Variants in CTBP2 observed in about 807,000 individuals in gnomAD.
The protein encoded by CTBP2 is C-terminal binding protein 2.
CTBP2 carries 30 observed loss-of-function variants against 80.3 expected under a neutral mutation model. The ratio of observed to expected loss-of-function variants is 0.37; its 90% CI spans 0.28 to 0.51. The LOEUF is 0.51. Among genes scored for constraint, CTBP2 ranks in the 20% least tolerant of loss-of-function variants. CTBP2 has a pLI of 0.93. For synonymous variants in CTBP2, 594 were observed against 587.4 expected (o/e 1.01, Z -0.16); for missense variants, 1,212 against 1,375.3 (o/e 0.88, Z 1.88).
chr10:125,101,474 G>A (rs967214862), intron 2 of CTBP2, among the ~76,000 whole-genome samples: 2 of 152,210 alleles, frequency 1.3e-5, no homozygotes, highest in Non-Finnish European at 2.9e-5. Flanking sequence ...GCTGCGGCTG[G>A]GATCAGCACA....
chr10:124,984,368 T>C lies in CTBP2; in HGVS notation c.*5150A>G, dbSNP rs1951980238. 6.1e-6 allele frequency: 1 copy of C among 163,698 alleles called. No homozygotes were observed. The allele number at this position is 163,698 out of a possible 1,614,324, so 10.1% of individuals were successfully genotyped here. On this transcript the variant is annotated 3_prime_UTR_variant, in exon 9 of 9. Coordinates refer to ENST00000309035, the MANE Select transcript of CTBP2 (RefSeq NM_022802.3). ...TTAATATACTAGTAATTATAAAACG[T>C]TTATAATCACAACATGAAGAAAAAA...
chr10:125,061,761 G>A (rs890379633), intron 2 of CTBP2, among the ~76,000 whole-genome samples: 2 of 152,130 alleles, frequency 1.3e-5, no homozygotes, highest in Non-Finnish European at 1.5e-5. Context: ...TCGGTGAGGT[G>A]CCACCTCCTC....
chr10:125,100,012 T>A (rs1177184556), intron 2 of CTBP2, among the ~76,000 whole-genome samples: 1 of 152,206 alleles, frequency 6.6e-6, no homozygotes, highest in Non-Finnish European at 1.5e-5. Flanking sequence ...GAAGGTCTCA[T>A]CTAGATCACA....
chr10:125,015,405 A>C (rs1956370120), intron 1 of CTBP2, among the ~76,000 whole-genome samples: 1 of 152,242 alleles, frequency 6.6e-6, no homozygotes, highest in Non-Finnish European at 1.5e-5. Context: ...ACAACCCCAC[A>C]GGCCACAAGC....
rs200793201 is a variant in CTBP2, at chr10:124,984,940, C to T, written c.*4578G>A. The T allele has an allele frequency of 2.4e-5, 38 of 1,613,204 alleles. No homozygotes were observed. Among genetic ancestry groups the T allele is most frequent in the East Asian group, 1.1e-4 (5 of 44,864 alleles). On this transcript the variant is annotated 3_prime_UTR_variant, in exon 9 of 9. Transcript: ENST00000309035. ...CTTGACCGCTACCGACAGATCCGGC[C>T]GTGTACATCCCTGTCTGATGGAGAG...
intron 1 of CTBP2, among the ~76,000 whole-genome samples, chr10:125,149,284 C>T (rs565078006): frequency 2.0e-5 from 3 of 152,368 alleles, no homozygotes; most frequent in African/African-American, 7.2e-5. Flanking sequence ...CAGCTTCCCC[C>T]TTCTCAGTGT....
Position 125,066,882 on chromosome 10 carries a change from C to T in CTBP2, c.-101-27727G>A, listed in dbSNP as rs1417480052. Among the ~76,000 whole-genome samples, 1 of 152,156 alleles carries T rather than the reference C, an allele frequency of 6.6e-6. No individual in the cohort carries two copies. Among genetic ancestry groups the T allele is most frequent in the Non-Finnish European group, 1.5e-5 (1 of 68,030 alleles). ...GGGAAGCCCAGTGTGTGCGACGTGC[C>T]TCTTCCTATCTCCCCTGGGCAGTCT... is the stretch of plus-strand genomic sequence containing the variant. On this transcript the variant is annotated intron_variant, in intron 2 of 10. Transcript: ENST00000337195. The surrounding 1 kb of genome is among the most constrained non-coding windows in gnomAD (Gnocchi z 4.1).
chr10:125,098,688 GAGAGAGAGAGAGAGAGAGAC>G (rs1850016638), intron 2 of CTBP2, among the ~76,000 whole-genome samples: 1 of 119,848 alleles, frequency 8.3e-6, no homozygotes, highest in African/African-American at 3.3e-5. Flanking sequence ...GAGAGAGAGA[GAGAGAGAGAGAGAGAGAGAC>G]AGAGAGAGAG....
chr10:125,068,384 C>A lies in CTBP2; in HGVS notation c.-101-29229G>T, dbSNP rs577425723. ...AACCAAAAGAAAATGTTAATTTGCACACATAACCCCATCCCCTTTCTCTCA... is the reference window on the plus strand; with the variant it reads ...AACCAAAAGAAAATGTTAATTTGCAAACATAACCCCATCCCCTTTCTCTCA... On this transcript the variant is annotated intron_variant, in intron 2 of 10. Coordinates refer to the CTBP2 transcript ENST00000337195. 2.8e-4 allele frequency among the ~76,000 whole-genome samples: 42 copies of A among 152,340 alleles called. No homozygotes were observed. In the South Asian group the frequency reaches 3.3e-3, roughly 12 times the overall value.
chr10:125,086,678 G>A lies in CTBP2; in HGVS notation c.-102+24312C>T, dbSNP rs1488733258. ...CCCTTCCACATAGCGAGAGAGTACC[G>A]TCTCTGAACCAGAACTTGGGCCCTC... is the stretch of plus-strand genomic sequence containing the variant. On this transcript the variant is annotated intron_variant, in intron 2 of 10. Transcript: ENST00000337195. Among the ~76,000 whole-genome samples, 16 of 149,716 alleles carry A rather than the reference G, an allele frequency of 1.1e-4. No homozygotes were observed. The South Asian group carries it at 1.9e-3, about 18-fold the overall frequency.
rs1239892047 is a variant in CTBP2, at chr10:125,027,934, T to C, written c.-175A>G. On this transcript the variant is annotated 5_prime_UTR_variant, in exon 1 of 9. Transcript: ENST00000309035. ...CTGAATTATTAATCCTCCGAAACCTTAGCAGACAAAACATAAGACTCACGG... is the reference window on the plus strand; with the variant it reads ...CTGAATTATTAATCCTCCGAAACCTCAGCAGACAAAACATAAGACTCACGG... 1 of 1,415,262 alleles carries C rather than the reference T, an allele frequency of 7.1e-7. No individual in the cohort carries two copies. Among genetic ancestry groups the C allele is most frequent in the Non-Finnish European group, 9.2e-7 (1 of 1,088,600 alleles). 87.7% of individuals were successfully genotyped at this position (1,415,262 alleles called of 1,614,324 possible). A position where few individuals can be genotyped will look rare whatever the true frequency, so the allele number is the denominator to read the frequency against.
At chr10:125,021,919 T>C (rs1037004895) in intron 1 of CTBP2, among the ~76,000 whole-genome samples, 3 of 152,258 alleles carry the variant, frequency 2.0e-5, no homozygotes, top group African/African-American at 7.2e-5. Context: ...AGGGAGGCCA[T>C]GCCGAGGTTC....
rs1952202035 is a variant in CTBP2 at position 124,988,857 on chromosome 10, T to TACAA, written c.*657_*660dup. On this transcript the variant is annotated 3_prime_UTR_variant, in exon 9 of 9. Transcript: ENST00000309035. ...CTGAAACTGAGAAAATATATTTGAG[T>TACAA]ACAAACAGCTTGTGAAACTTAATAC... is the stretch of plus-strand genomic sequence containing the variant. 3 of 150,856 alleles carry TACAA rather than the reference T, an allele frequency of 2.0e-5. No individual in the cohort carries two copies. The highest frequency in any genetic ancestry group is 4.4e-5 in the Non-Finnish European group (3 of 67,866). 9.3% of individuals were successfully genotyped at this position (150,856 alleles called of 1,614,324 possible).
intron 1 of CTBP2, 117 bp from the exon 4 acceptor site, chr10:125,003,609 G>C: frequency 1.3e-6 from 1 of 761,748 alleles, no homozygotes; most frequent in Non-Finnish European, 2.0e-6. Context: ...GGGTGGCGGA[G>C]CAGCGAGGGC....
At chr10:125,091,693 C>A (rs781413665) in intron 2 of CTBP2, among the ~76,000 whole-genome samples, 8 of 152,302 alleles carry the variant, frequency 5.3e-5, no homozygotes, top group Non-Finnish European at 1.2e-4. Context: ...CTGCTTGAGC[C>A]CGGAGGTCAA....
At chr10:124,990,385 C>T (rs563225489) in intron 8 of CTBP2, among the ~76,000 whole-genome samples, 146 of 152,204 alleles carry the variant, frequency 9.6e-4, no homozygotes, top group African/African-American at 3.3e-3. Context: ...TCCCTATCCC[C>T]AAAGCAAGGA....
chr10:125,119,141 T>C (rs554930770), intron 1 of CTBP2, among the ~76,000 whole-genome samples: 1 of 152,288 alleles, frequency 6.6e-6, no homozygotes, highest in African/African-American at 2.4e-5. Flanking sequence ...ATATTTACTA[T>C]AGGCCCTACA....
chr10:125,115,302 C>T (rs958157776), intron 1 of CTBP2, among the ~76,000 whole-genome samples: 1 of 152,166 alleles, frequency 6.6e-6, no homozygotes, highest in Non-Finnish European at 1.5e-5. Flanking sequence ...TCCTCACACT[C>T]CAGGAAGCAC....
At chr10:125,038,937 A>T (rs866141104) in intron 3 of CTBP2, 60 bp downstream of exon 3, 18 of 1,547,442 alleles carry the variant, frequency 1.2e-5, no homozygotes, top group Non-Finnish European at 1.6e-5. Flanking sequence ...GGGAGCAGCC[A>T]GCGAAGATTT....
Sources: gnomAD v4.1 joint callset for allele counts (sites outside exome capture counted in the v4.1 genomes callset) on GRCh38, gnomAD v4.1.1 for gene constraint, Gnocchi (gnomAD v3.1) non-coding constraint, MANE v1.5 for transcripts, NCBI Gene and HGNC (gene_info 2026-07-23, HGNC 2026-07-21) for gene names.